The following SH3GL2 variants were observed in gnomAD, a reference collection of about 807,000 sequenced individuals.
SH3GL2 encodes endophilin-A1.
In SH3GL2, 24 loss-of-function variants were observed where a neutral mutation model predicts 46.0. The observed-to-expected ratio is 0.52, with a 90% CI of 0.38 to 0.73. The LOEUF is 0.73. Among genes scored for constraint, SH3GL2 ranks in the 30% least tolerant of loss-of-function variants. The probability of loss-of-function intolerance (pLI) is 0.00; values close to 1 mark genes in which losing one functional copy is unlikely to be tolerated. For missense variants in SH3GL2, 413 were observed against 424.2 expected, an observed-to-expected ratio of 0.97 and a Z score of 0.23; for synonymous variants, 196 against 147.1, an observed-to-expected ratio of 1.33 and a Z score of -2.40.
intron 1 of SH3GL2, among the ~76,000 whole-genome samples, chr9:17,729,983 T>C (rs2118407315): frequency 6.6e-6 from 1 of 152,142 alleles, no homozygotes; most frequent in East Asian, 1.9e-4. Flanking sequence ...AGTAGTTTTT[T>C]CTAATTCTGT....
At chr9:17,738,374 C>T (rs1421641991) in intron 1 of SH3GL2, among the ~76,000 whole-genome samples, 2 of 151,380 alleles carry the variant, frequency 1.3e-5, no homozygotes, top group Non-Finnish European at 2.9e-5. Context: ...TATGGTCTGC[C>T]TGTGTTGTAC....
At chr9:17,768,759 C>T (rs570533931) in intron 3 of SH3GL2, among the ~76,000 whole-genome samples, 30 of 152,284 alleles carry the variant, frequency 2.0e-4, no homozygotes, top group Non-Finnish European at 3.5e-4. Flanking sequence ...TTATGTATCT[C>T]GACTCTGAGT....
chr9:17,679,707 A>G (rs1588231860), intron 1 of SH3GL2, among the ~76,000 whole-genome samples: 4 of 152,222 alleles, frequency 2.6e-5, no homozygotes, highest in African/African-American at 9.6e-5. Context: ...GTCTTGTGCG[A>G]GTTTTCAAAG....
At chr9:17,769,594 C>T (rs954964552) in intron 3 of SH3GL2, among the ~76,000 whole-genome samples, 1 of 152,092 alleles carries the variant, frequency 6.6e-6, no homozygotes, top group Non-Finnish European at 1.5e-5. Flanking sequence ...GTCTGCTGCT[C>T]CTCATCACTC....
chr9:17,670,555 A>G (rs1307904578), intron 1 of SH3GL2, among the ~76,000 whole-genome samples: 1 of 152,182 alleles, frequency 6.6e-6, no homozygotes, highest in East Asian at 1.9e-4. Flanking sequence ...AAACAGTTGT[A>G]TTATGCCAGT....
intron 3 of SH3GL2, among the ~76,000 whole-genome samples, chr9:17,782,410 GATTCCTA>G (rs1239368725): frequency 2.0e-5 from 3 of 152,178 alleles, no homozygotes. Context: ...CAAAGAGCCA[GATTCCTA>G]AGGGAAGATT....
chr9:17,629,743 A>C (rs1263162765), intron 1 of SH3GL2, among the ~76,000 whole-genome samples: 1 of 152,186 alleles, frequency 6.6e-6, no homozygotes, highest in Non-Finnish European at 1.5e-5. Flanking sequence ...CTGTTTATCC[A>C]GGTTTCACTT....
At chr9:17,792,794 T>C (rs902764649) in intron 7 of SH3GL2, among the ~76,000 whole-genome samples, 5 of 152,214 alleles carry the variant, frequency 3.3e-5, no homozygotes, top group Admixed American at 1.3e-4. Context: ...ACCACACCCC[T>C]GTGTTCCTGT....
intron 1 of SH3GL2, among the ~76,000 whole-genome samples, chr9:17,722,877 C>T (rs1821929827): frequency 6.6e-6 from 1 of 152,018 alleles, no homozygotes; most frequent in Admixed American, 6.6e-5. Context: ...TCCAGGGCAC[C>T]CTAAATGGAA....
chr9:17,691,165 C>T (rs1588244041), intron 1 of SH3GL2, among the ~76,000 whole-genome samples: 1 of 152,086 alleles, frequency 6.6e-6, no homozygotes, highest in African/African-American at 2.4e-5. Flanking sequence ...TTTTGTGTTT[C>T]TCACTTGCCA....
At chr9:17,677,674 C>T (rs183439874) in intron 1 of SH3GL2, among the ~76,000 whole-genome samples, 1 of 151,702 alleles carries the variant, frequency 6.6e-6, no homozygotes, top group African/African-American at 2.4e-5. Flanking sequence ...TACATGTGCA[C>T]AACGTGCAGG....
chr9:17,690,834 A>G lies in SH3GL2; in HGVS notation c.46-56232A>G, dbSNP rs564045392. On this transcript the variant is annotated intron_variant, in intron 1 of 8. Transcript: ENST00000380607. ...TCATGAGAATCATTATTTATCCTCT[A>G]GAAGGCCAGGGAATTTGTTCATGAA... Among the ~76,000 whole-genome samples, 10 of 152,240 alleles carry G rather than the reference A, an allele frequency of 6.6e-5. No individual in the cohort carries two copies. In the South Asian group the frequency reaches 2.1e-3, roughly 32 times the overall value.
intron 1 of SH3GL2, among the ~76,000 whole-genome samples, chr9:17,601,104 G>T (rs949733273): frequency 6.6e-6 from 1 of 152,168 alleles, no homozygotes; most frequent in Admixed American, 6.6e-5. Context: ...GTGTGGTGGT[G>T]TTTCTACAGC....
At chr9:17,743,744 T>A (rs1250443770) in intron 1 of SH3GL2, among the ~76,000 whole-genome samples, 1 of 152,210 alleles carries the variant, frequency 6.6e-6, no homozygotes, top group Non-Finnish European at 1.5e-5. Context: ...TGTGGATGGA[T>A]GCAAGAAGAG....
chr9:17,725,099 A>G lies in SH3GL2; in HGVS notation c.46-21967A>G, dbSNP rs577717878. Among the ~76,000 whole-genome samples, 5 of 152,210 alleles carry G rather than the reference A, an allele frequency of 3.3e-5. No homozygotes were observed. In the East Asian group the frequency reaches 9.7e-4, roughly 29 times the overall value. On this transcript the variant is annotated intron_variant, in intron 1 of 8. Coordinates refer to ENST00000380607, the MANE Select transcript of SH3GL2 (RefSeq NM_003026.5). ...TTTATTTTATTTTAACTCCCTTCCTAGGAGTCACCCCTGGGATAGAGTAGC... is the reference window on the plus strand; with the variant it reads ...TTTATTTTATTTTAACTCCCTTCCTGGGAGTCACCCCTGGGATAGAGTAGC...
chr9:17,658,116 T>C (rs1380050924), intron 1 of SH3GL2, among the ~76,000 whole-genome samples: 2 of 152,228 alleles, frequency 1.3e-5, no homozygotes, highest in Non-Finnish European at 2.9e-5. Flanking sequence ...CTTTCTGGCA[T>C]TCAAATAATA....
At chr9:17,762,913 A>C (rs1381750331) in intron 3 of SH3GL2, among the ~76,000 whole-genome samples, 1 of 152,170 alleles carries the variant, frequency 6.6e-6, no homozygotes, top group Non-Finnish European at 1.5e-5. Context: ...AAATCATTAT[A>C]TAGGGGCAAG....
intron 1 of SH3GL2, among the ~76,000 whole-genome samples, chr9:17,714,100 A>C (rs1821692388): frequency 6.6e-6 from 1 of 151,724 alleles, no homozygotes; most frequent in Non-Finnish European, 1.5e-5. Flanking sequence ...ATCTTGATTA[A>C]TTGAGCCCTT....
chr9:17,731,905 C>T lies in SH3GL2; in HGVS notation c.46-15161C>T, dbSNP rs140350685. Among the ~76,000 whole-genome samples, 57 of 152,160 alleles carry T rather than the reference C, an allele frequency of 3.7e-4. 1 individual carries two copies. In the East Asian group the frequency reaches 9.9e-3, roughly 26 times the overall value. ...ATCCTCCTCACAGTATCCTCAGTGC[C>T]GGACATACAAAAGACATTCAGTGAC... is the stretch of plus-strand genomic sequence containing the variant. On this transcript the variant is annotated intron_variant, in intron 1 of 8. Coordinates refer to ENST00000380607, the MANE Select transcript of SH3GL2 (RefSeq NM_003026.5).
Sources: allele counts gnomAD v4.1 joint callset (sites outside exome capture counted in the v4.1 genomes callset), GRCh38; gene constraint gnomAD v4.1.1; transcripts MANE v1.5; gene names NCBI Gene and HGNC (gene_info 2026-07-23, HGNC 2026-07-21).